The following SLC24A2 variants were observed in gnomAD, a reference collection of about 807,000 sequenced individuals.
SLC24A2 encodes the protein sodium/potassium/calcium exchanger 2.
Under a neutral mutation model 62.0 loss-of-function variants are expected in SLC24A2, and 36 were observed. The observed-to-expected ratio is 0.58, with a 90% CI of 0.44 to 0.77. The LOEUF (loss-of-function observed/expected upper bound fraction) is 0.77, where lower values mean the gene tolerates loss of function less well. Among genes scored for constraint, SLC24A2 ranks in the 30% least tolerant of loss-of-function variants. SLC24A2 has a pLI of 0.00. For synonymous variants in SLC24A2, 358 were observed against 294.0 expected, an observed-to-expected ratio of 1.22 and a Z score of -2.23; for missense variants, 846 against 817.9, an observed-to-expected ratio of 1.03 and a Z score of -0.42.
the SLC24A2 span, among the ~76,000 whole-genome samples, chr9:20,129,499 T>C: frequency 6.6e-6 from 1 of 152,100 alleles, no homozygotes; most frequent in Non-Finnish European, 1.5e-5. Flanking sequence ...TAGCACTATT[T>C]ACAATAGCCA....
At chr9:19,907,249 A>G in the SLC24A2 span, among the ~76,000 whole-genome samples, 2 of 152,242 alleles carry the variant, frequency 1.3e-5, no homozygotes, top group African/African-American at 2.4e-5. Context: ...CAATAGATGT[A>G]GAAAAGGCCT....
the SLC24A2 span, among the ~76,000 whole-genome samples, chr9:20,254,870 G>A: frequency 2.0e-5 from 3 of 152,158 alleles, no homozygotes; most frequent in Non-Finnish European, 2.9e-5. Flanking sequence ...GAATGTGAAG[G>A]AGGAGCAAAG....
intron 2 of SLC24A2, among the ~76,000 whole-genome samples, chr9:19,684,575 G>A (rs1048792280): frequency 6.6e-6 from 1 of 152,064 alleles, no homozygotes; most frequent in Admixed American, 6.6e-5. Flanking sequence ...GACAGGCAAA[G>A]GTGACCCTTG....
intron 4 of SLC24A2, among the ~76,000 whole-genome samples, chr9:19,606,075 C>G (rs1479689797): frequency 3.3e-5 from 5 of 152,168 alleles, no homozygotes; most frequent in African/African-American, 1.2e-4. Context: ...AGAATCAGGT[C>G]TTCATGGTGT....
chr9:20,211,478 C>T, the SLC24A2 span, among the ~76,000 whole-genome samples: 1 of 152,166 alleles, frequency 6.6e-6, no homozygotes. Context: ...CACCATTGCA[C>T]TCCAGCCTGG....
chr9:19,650,566 C>G (rs1236944746), intron 2 of SLC24A2, among the ~76,000 whole-genome samples: 1 of 152,136 alleles, frequency 6.6e-6, no homozygotes, highest in Admixed American at 6.6e-5. Context: ...GATTAGGGAG[C>G]AGCTTGTGGC....
the SLC24A2 span, among the ~76,000 whole-genome samples, chr9:20,142,154 C>G: frequency 6.6e-6 from 1 of 151,926 alleles, no homozygotes; most frequent in African/African-American, 2.4e-5. Flanking sequence ...TTACTATTTC[C>G]CTTTTTAGAG....
At chr9:20,194,153 G>C in the SLC24A2 span, among the ~76,000 whole-genome samples, 1 of 151,950 alleles carries the variant, frequency 6.6e-6, no homozygotes, top group Non-Finnish European at 1.5e-5. Flanking sequence ...ACAAATCAAG[G>C]ATTTAGATGC....
chr9:20,289,458 A>G, the SLC24A2 span, among the ~76,000 whole-genome samples: 2 of 152,338 alleles, frequency 1.3e-5, no homozygotes, highest in South Asian at 4.1e-4. Flanking sequence ...AAAGGAGTGC[A>G]GTTTTGAATG....
intron 7 of SLC24A2, among the ~76,000 whole-genome samples, chr9:19,566,645 A>G (rs1835663257): frequency 1.3e-5 from 2 of 152,222 alleles, no homozygotes; most frequent in Non-Finnish European, 2.9e-5. Flanking sequence ...TCATGCTGCT[A>G]TAAAGGCACA....
chr9:20,306,057 C>G, the SLC24A2 span, among the ~76,000 whole-genome samples: 4 of 152,014 alleles, frequency 2.6e-5, no homozygotes, highest in Non-Finnish European at 5.9e-5. Context: ...CTTTAAAGAC[C>G]CTATCTCCAA....
chr9:20,290,065 C>T, the SLC24A2 span, among the ~76,000 whole-genome samples: 3 of 152,320 alleles, frequency 2.0e-5, no homozygotes, highest in East Asian at 5.8e-4. Context: ...CAGTGGCTTA[C>T]AGGTCTCTTC....
chr9:19,790,483 C>A (rs1268387867), upstream of SLC24A2, among the ~76,000 whole-genome samples: 9 of 113,890 alleles, frequency 7.9e-5, no homozygotes, highest in Non-Finnish European at 1.2e-4. Context: ...AAGAAGGGGA[C>A]AATTCAAATA....
the SLC24A2 span, among the ~76,000 whole-genome samples, chr9:20,058,296 A>T: frequency 6.6e-6 from 1 of 152,172 alleles, no homozygotes; most frequent in East Asian, 1.9e-4. Flanking sequence ...GAACCAACAA[A>T]TTTTTAAAAA....
At chr9:19,559,660 G>A (rs1247344848) in intron 7 of SLC24A2, among the ~76,000 whole-genome samples, 1 of 152,084 alleles carries the variant, frequency 6.6e-6, no homozygotes, top group Non-Finnish European at 1.5e-5. Context: ...CCAAATGAAA[G>A]GTGCCCCCCC....
chr9:20,163,550 T>C, the SLC24A2 span, among the ~76,000 whole-genome samples: 1 of 152,150 alleles, frequency 6.6e-6, no homozygotes, highest in Non-Finnish European at 1.5e-5. Flanking sequence ...AAAATGGTCA[T>C]ACTGCCCAAG....
chr9:19,715,820 C>T (rs536552855), intron 2 of SLC24A2, among the ~76,000 whole-genome samples: 112 of 152,332 alleles, frequency 7.4e-4, no homozygotes, highest in Admixed American at 4.1e-3. Context: ...AGAAAATACC[C>T]ATGCATTATT....
the SLC24A2 span, among the ~76,000 whole-genome samples, chr9:19,920,967 G>T: frequency 1.3e-5 from 2 of 151,628 alleles, no homozygotes; most frequent in African/African-American, 4.8e-5. Context: ...ATAAAATAAA[G>T]ATAATCATAT....
chr9:19,873,472 T>C, the SLC24A2 span, among the ~76,000 whole-genome samples: 1 of 150,552 alleles, frequency 6.6e-6, no homozygotes, highest in East Asian at 1.9e-4. Context: ...TTTTTCTTTC[T>C]CTCTCTCCTT....
Sources: allele counts gnomAD v4.1 joint callset (sites outside exome capture counted in the v4.1 genomes callset), GRCh38; gene constraint gnomAD v4.1.1; transcripts MANE v1.5; gene names NCBI Gene and HGNC (gene_info 2026-07-23, HGNC 2026-07-21).